ELMO2: variants seen among roughly 807,000 people sequenced by gnomAD.
The protein encoded by ELMO2 is engulfment and cell motility 2.
In ELMO2, 37 loss-of-function variants were observed where a neutral mutation model predicts 96.2. The ratio of observed to expected loss-of-function variants is 0.38; its 90% CI spans 0.30 to 0.51. ELMO2 has a LOEUF of 0.51. Among genes scored for constraint, ELMO2 ranks in the 20% least tolerant of loss-of-function variants. The pLI is 0.88. For missense variants in ELMO2, 561 were observed against 912.6 expected (o/e 0.61, Z 4.96); for synonymous variants, 315 against 329.4 (o/e 0.96, Z 0.47).
At position 46,386,215 on chromosome 20, in the gene ELMO2, T is replaced by A. The variant is rs1485580663; in HGVS notation, c.586A>T (p.Ile196Phe). The A allele has an allele frequency of 6.2e-7, 1 of 1,614,010 alleles. No individual in the cohort carries two copies. The highest frequency in any genetic ancestry group is 2.2e-5 in the East Asian group (1 of 44,884). ...CTGTTCAAGACCATGCTCTCCAGGA[T>A]GGCCAGGGACCTCTGAAGGATTGAC... is the stretch of plus-strand genomic sequence containing the variant. ...DVSILQRSLA[I>F]LESMVLNSQS... is the part of the protein sequence containing the mutation. Residue 196 changes from isoleucine to phenylalanine, a missense_variant, in exon 9 of 22, where the codon ATC becomes TTC. By Grantham distance (21) the Ile-to-Phe change is conservative. Coordinates refer to ENST00000290246, the MANE Select transcript of ELMO2 (RefSeq NM_133171.5).
At chr20:46,367,950 T>G (rs557976702) in intron 21 of ELMO2, among the ~76,000 whole-genome samples, 10 of 152,122 alleles carry the variant, frequency 6.6e-5, no homozygotes, top group African/African-American at 2.2e-4. Flanking sequence ...GGATCTCAAT[T>G]TTGTGCCCCG....
chr20:46,387,644 A>AAAC, intron 7 of ELMO2: 1 of 230,606 alleles, frequency 4.3e-6, no homozygotes, highest in East Asian at 9.0e-5. Context: ...AAAAAAAAAA[A>AAAC]AAAAAAAAAT....
At chr20:46,393,820 G>T (rs2060199237) in intron 4 of ELMO2, among the ~76,000 whole-genome samples, 1 of 152,184 alleles carries the variant, frequency 6.6e-6, no homozygotes, top group Non-Finnish European at 1.5e-5. Flanking sequence ...AGGGGTCTCA[G>T]ATCCTACCTC....
At chr20:46,389,505 C>T (rs1417976255) in intron 6 of ELMO2, among the ~76,000 whole-genome samples, 2 of 152,120 alleles carry the variant, frequency 1.3e-5, no homozygotes, top group South Asian at 2.1e-4. Context: ...GGCCCACTAA[C>T]GATGGTAAGT....
chr20:46,387,726 C>G (rs1476063449), intron 7 of ELMO2: 7 of 301,962 alleles, frequency 2.3e-5, no homozygotes. Context: ...ATCTATTTCC[C>G]AAGACCAAAG....
In ELMO2 at chr20:46,398,592, CG is replaced by C. The variant is rs1181277658; in HGVS notation, c.-51+104del. On this transcript the variant is annotated intron_variant, in intron 2 of 21. Transcript: ENST00000290246. The stretch of plus-strand genomic sequence containing the variant: ...CCTCTCAAAGTGCTGGGATTACAGG[CG>C]TGAGCCACTGTGCCCAGCCCAGGTA... The C allele has an allele frequency of 2.0e-5, 3 of 152,410 alleles. No homozygotes were observed. In the East Asian group the frequency reaches 5.8e-4, roughly 29 times the overall value. 9.4% of individuals were successfully genotyped at this position (152,410 alleles called of 1,614,324 possible).
intron 11 of ELMO2, among the ~76,000 whole-genome samples, chr20:46,379,671 T>G (rs1389938210): frequency 2.0e-5 from 3 of 152,110 alleles, no homozygotes; most frequent in Non-Finnish European, 4.4e-5. Flanking sequence ...TGACTGAAAT[T>G]CCTGTTATTC....
chr20:46,397,332 C>T (rs2060263226), intron 2 of ELMO2, among the ~76,000 whole-genome samples: 2 of 152,192 alleles, frequency 1.3e-5, no homozygotes, highest in African/African-American at 4.8e-5. Context: ...AAAGTGAATA[C>T]CCAACTTTAG....
At chr20:46,386,419 C>T (rs2060045243) in intron 8 of ELMO2, 144 bp from the exon 9 acceptor site, 1 of 1,074,290 alleles carries the variant, frequency 9.3e-7, no homozygotes, top group African/African-American at 1.6e-5. Context: ...TGGTTTACGG[C>T]TACCCTGGCC....
chr20:46,370,933 A>G (rs2059689847), intron 19 of ELMO2, among the ~76,000 whole-genome samples: 1 of 152,218 alleles, frequency 6.6e-6, no homozygotes, highest in Non-Finnish European at 1.5e-5. Flanking sequence ...CTTTGCATAC[A>G]TTACTCATGC....
intron 9 of ELMO2, among the ~76,000 whole-genome samples, chr20:46,383,999 G>T (rs2059999589): frequency 6.6e-6 from 1 of 152,038 alleles, no homozygotes; most frequent in South Asian, 2.1e-4. Flanking sequence ...TTGCAAAAAA[G>T]ACTTAGAACT....
intron 20 of ELMO2, chr20:46,369,964 GTGT>G (rs1568745125): frequency 0.018 from 96 of 5,448 alleles, no homozygotes; most frequent in Admixed American, 0.086. Context: ...GTATGGGGGT[GTGT>G]GTGTGTGTGT....
In ELMO2 at chr20:46,371,388, G is replaced by T. The variant is rs1481727918; in HGVS notation, c.1765C>A (p.Gln589Lys). ...LHYGDLDDNP[Q>K]GEVTFESLQE... ...AGGGATTCAAATGTCACCTCCCCTT[G>T]TGGGTTGTCATCCAAGTCACCATAG... Residue 589 changes from glutamine (Q) to lysine (K), a missense_variant, in exon 19 of 22, where the codon CAA becomes AAA. Transcript: ENST00000290246. This position sits in a 1 kb window ranked among gnomAD's most constrained non-coding sequence, Gnocchi z 5.9. 5 of 1,614,232 alleles carry T rather than the reference G, an allele frequency of 3.1e-6. No homozygotes were observed. In the South Asian group the frequency reaches 5.5e-5, roughly 18 times the overall value.
intron 1 of ELMO2, among the ~76,000 whole-genome samples, chr20:46,405,186 A>G (rs2060407544): frequency 6.6e-6 from 1 of 152,226 alleles, no homozygotes; most frequent in Non-Finnish European, 1.5e-5. Context: ...TTGTAAATAA[A>G]TGTAAAATTG....
At chr20:46,386,088 A>G in intron 9 of ELMO2, 36 bp downstream of exon 9, 1 of 1,599,222 alleles carries the variant, frequency 6.3e-7, no homozygotes, top group Non-Finnish European at 8.5e-7. Flanking sequence ...GAGGACAGAC[A>G]AGTGAAGGGA....
chr20:46,394,235 C>T lies in ELMO2; in HGVS notation c.79-146G>A, dbSNP rs544775179. The T allele has an allele frequency of 3.3e-5, 37 of 1,119,884 alleles. 1 individual carries two copies. The African/African-American group carries it at 4.9e-4, about 15-fold the overall frequency. The allele number at this position is 1,119,884 out of a possible 1,614,324, so 69.4% of individuals were successfully genotyped here. On this transcript the variant is annotated intron_variant, in intron 3 of 21. Coordinates refer to ENST00000290246, the MANE Select transcript of ELMO2 (RefSeq NM_133171.5). ...GCTTTTGTTGAAGAGGAAGCCTCTC[C>T]CAAGCCATGGTGACCGACCTTCCCT...
In ELMO2 at chr20:46,380,045, C is replaced by T. The variant is rs137952130; in HGVS notation, c.807+208G>A. 383 of 475,764 alleles carry T rather than the reference C, an allele frequency of 8.1e-4. 4 individuals carry two copies. Among genetic ancestry groups the T allele is most frequent in the African/African-American group, 6.9e-3 (353 of 51,468 alleles). 29.5% of individuals were successfully genotyped at this position (475,764 alleles called of 1,614,324 possible). Reference sequence around the variant, plus strand: ...CCTTGGTCCCTCCCTGGACGCACTGCAATTGCTGGTGAGATGGCTGCCTAG... The same window carrying T: ...CCTTGGTCCCTCCCTGGACGCACTGTAATTGCTGGTGAGATGGCTGCCTAG... On this transcript the variant is annotated intron_variant, in intron 11 of 21. Transcript: ENST00000290246.
At position 46,374,420 on chromosome 20, in the gene ELMO2, G is replaced by A. The variant is rs1341983440; in HGVS notation, c.1191C>T (p.Ser397=). The change falls in exon 15 of 22, where the codon AGC becomes AGT. Residue 397 remains serine (S), a synonymous_variant. Coordinates refer to ENST00000290246, the MANE Select transcript of ELMO2 (RefSeq NM_133171.5). ...TYIRIVLENS[S]REDKHECPFG... ...AGGGGCATTCATGTTTGTCTTCCCG[G>A]CTACTGTTCTCCAAGACAATCTGTC... 6 of 1,614,094 alleles carry A rather than the reference G, an allele frequency of 3.7e-6. No individual in the cohort carries two copies. Among genetic ancestry groups the A allele is most frequent in the Non-Finnish European group, 5.1e-6 (6 of 1,180,006 alleles).
chr20:46,405,183 T>C (rs1163978416), intron 1 of ELMO2, among the ~76,000 whole-genome samples: 1 of 152,162 alleles, frequency 6.6e-6, no homozygotes. Flanking sequence ...CTTTTGTAAA[T>C]AAATGTAAAA....
Sources: gnomAD v4.1 joint callset for allele counts (sites outside exome capture counted in the v4.1 genomes callset) on GRCh38, gnomAD v4.1.1 for gene constraint, Gnocchi (gnomAD v3.1) non-coding constraint, MANE v1.5 for transcripts, NCBI Gene and HGNC (gene_info 2026-07-23, HGNC 2026-07-21) for gene names.